IBTK: variants seen among roughly 807,000 people sequenced by gnomAD.
IBTK encodes the protein BTK-binding protein.
In IBTK, 83 loss-of-function variants were observed where a neutral mutation model predicts 154.9. The observed-to-expected ratio is 0.54, with a 90% CI of 0.45 to 0.64. The LOEUF (loss-of-function observed/expected upper bound fraction) is 0.64, where lower values mean the gene tolerates loss of function less well. Among genes scored for constraint, IBTK ranks in the 30% least tolerant of loss-of-function variants. The pLI, the probability that IBTK is intolerant of heterozygous loss-of-function variation, is 0.00. For synonymous variants in IBTK, 515 were observed against 536.1 expected (o/e 0.96, Z 0.54); for missense variants, 1,332 against 1,584.6 (o/e 0.84, Z 2.71).
In IBTK at chr6:82,191,802, G is replaced by T; in HGVS notation, c.3416C>A (p.Pro1139Gln). ...TTCAACCCACCCTAAATGTGACTTT[G>T]GTGTAGCTCCACATTTTTGTCTACT... ...EESRQKCGAT[P>Q]KSHLGKTVSH... Residue 1139 changes from proline (P) to glutamine (Q), a missense_variant, in exon 24 of 29, where the codon CCA (proline) becomes CAA (glutamine). Pro to Gln is a moderately conservative substitution (Grantham distance 76). Transcript: ENST00000306270. 2 of 1,596,966 alleles carry T rather than the reference G, an allele frequency of 1.3e-6. No individual in the cohort carries two copies. Among genetic ancestry groups the T allele is most frequent in the Non-Finnish European group, 1.7e-6 (2 of 1,164,734 alleles).
At position 82,191,160 on chromosome 6, in the gene IBTK, A is replaced by C. The variant is rs111941571; in HGVS notation, c.3488T>G (p.Leu1163Trp). Residue 1163 changes from leucine to tryptophan, a missense_variant, in exon 25 of 29, where the codon TTG (leucine) becomes TGG (tryptophan). Coordinates refer to ENST00000306270, the MANE Select transcript of IBTK (RefSeq NM_015525.4). ...TCCTGAATTGTTTTCCTTGGTAGTC[A>C]ATGCAATCATTTTTCGTTGCTTCTG... is the stretch of plus-strand genomic sequence containing the variant. ...LSQKQRKMIA[L>W]TTKENNSGMN... The C allele has an allele frequency of 6.2e-7, 1 of 1,609,714 alleles. No homozygotes were observed.
intron 13 of IBTK, among the ~76,000 whole-genome samples, chr6:82,212,299 T>C (rs1453694683): frequency 6.6e-6 from 1 of 152,158 alleles, no homozygotes; most frequent in East Asian, 1.9e-4. Flanking sequence ...AAAACAAAAC[T>C]TTTTAACAAT....
chr6:82,214,115 C>A, intron 12 of IBTK, 112 bp downstream of exon 12: 1 of 1,056,640 alleles, frequency 9.5e-7, no homozygotes, highest in Admixed American at 2.5e-5. Context: ...GCCACCACAC[C>A]CGGCTAATTT....
intron 25 of IBTK, among the ~76,000 whole-genome samples, chr6:82,183,972 T>A (rs1258374110): frequency 6.6e-6 from 1 of 152,246 alleles, no homozygotes; most frequent in Non-Finnish European, 1.5e-5. Context: ...CACCTTGATA[T>A]TGGACATCCC....
At chr6:82,229,055 C>T (rs1770404132) in intron 4 of IBTK, among the ~76,000 whole-genome samples, 1 of 152,106 alleles carries the variant, frequency 6.6e-6, no homozygotes, top group Non-Finnish European at 1.5e-5. Flanking sequence ...ATAGAATCAG[C>T]CCCTTTTCAA....
intron 22 of IBTK, among the ~76,000 whole-genome samples, chr6:82,195,255 C>G (rs1356944418): frequency 6.6e-6 from 1 of 151,822 alleles, no homozygotes; most frequent in Admixed American, 6.6e-5. Context: ...ATAAATTGCC[C>G]CCAAACTTCT....
chr6:82,201,990 TGCTGGGATTACAAG>T (rs1769227751), intron 18 of IBTK, among the ~76,000 whole-genome samples: 1 of 152,064 alleles, frequency 6.6e-6, no homozygotes, highest in African/African-American at 2.4e-5. Flanking sequence ...CCTCCCAAAG[TGCTGGGATTACAAG>T]CATAAGCCAC....
At chr6:82,238,892 C>G (rs1582260490) in intron 2 of IBTK, among the ~76,000 whole-genome samples, 1 of 151,998 alleles carries the variant, frequency 6.6e-6, no homozygotes, top group East Asian at 2.0e-4. Flanking sequence ...GCACACGCCA[C>G]TACACCTGGC....
chr6:82,233,498 T>A (rs1420271196), intron 3 of IBTK, among the ~76,000 whole-genome samples: 1 of 152,214 alleles, frequency 6.6e-6, no homozygotes, highest in Non-Finnish European at 1.5e-5. Context: ...CATTTTAGAT[T>A]GTACTTTTAT....
chr6:82,234,415 C>T (rs572962242), intron 2 of IBTK, among the ~76,000 whole-genome samples, 160 bp from the exon 3 acceptor site: 6 of 151,032 alleles, frequency 4.0e-5, no homozygotes, highest in Non-Finnish European at 5.9e-5. Context: ...CTTGGCTCAC[C>T]GCAACCTCCA....
chr6:82,237,658 AGTG>A (rs752039539), intron 2 of IBTK, among the ~76,000 whole-genome samples: 2,821 of 140,958 alleles, frequency 0.02, 41 homozygotes, highest in Non-Finnish European at 0.025. Context: ...AGAAGATAGT[AGTG>A]GTAGTAGTAG....
intron 16 of IBTK, 200 bp from the exon 17 acceptor site, chr6:82,205,158 A>G: frequency 2.8e-6 from 1 of 362,862 alleles, no homozygotes; most frequent in Non-Finnish European, 4.9e-6. Flanking sequence ...ATACATCAAA[A>G]TATATTTCTA....
chr6:82,204,999 T>A (rs779357144), intron 16 of IBTK, 41 bp from the exon 17 acceptor site: 1 of 1,326,080 alleles, frequency 7.5e-7, no homozygotes, highest in South Asian at 1.4e-5. Flanking sequence ...TTTCTTTGTA[T>A]ACATTATACC....
At chr6:82,241,888 A>G in intron 1 of IBTK, among the ~76,000 whole-genome samples, 1 of 152,192 alleles carries the variant, frequency 6.6e-6, no homozygotes, top group Non-Finnish European at 1.5e-5. Flanking sequence ...TATGCATCAG[A>G]GGGAAGTATG....
Position 82,214,630 on chromosome 6 carries a change from C to T in IBTK, c.1801G>A (p.Glu601Lys), listed in dbSNP as rs1315816432. ...KLFLSDGNTS[E>K]FTDIYQKDED... The stretch of plus-strand genomic sequence containing the variant: ...TCTTTCTGGTAAATATCTGTAAATT[C>T]TGAAGTATTACCATCTGAAAGAAAC... Residue 601 changes from glutamate to lysine, a missense_variant, in exon 12 of 29, where the codon GAA (glutamate) becomes AAA (lysine). This residue lies in a region of IBTK where 1,134 missense variants were observed against 1,274.7 expected (regional missense o/e 0.89). Coordinates refer to ENST00000306270, the MANE Select transcript of IBTK (RefSeq NM_015525.4). 1.9e-6 allele frequency: 3 copies of T among 1,613,938 alleles called. No individual in the cohort carries two copies. In the Admixed American group the frequency reaches 5.0e-5, roughly 27 times the overall value.
At chr6:82,204,520 A>G (rs1769324359) in intron 17 of IBTK, among the ~76,000 whole-genome samples, 1 of 152,194 alleles carries the variant, frequency 6.6e-6, no homozygotes, top group Non-Finnish European at 1.5e-5. Context: ...AAAAACACCT[A>G]AAGCCAAGAT....
Position 82,240,350 on chromosome 6 carries a change from G to T in IBTK, c.137C>A (p.Thr46Asn), listed in dbSNP as rs1254107225. ...FLSSHCYNAA[T>N]IKDVFGRNAL... ...ATTCCTGCCAAAAACATCCTTGATAGTTGCAGCATTGTAACAATGACTGGA... is the reference window on the plus strand; with the variant it reads ...ATTCCTGCCAAAAACATCCTTGATATTTGCAGCATTGTAACAATGACTGGA... The change falls in exon 2 of 29, where the codon ACT becomes AAT. Residue 46 changes from threonine to asparagine, a missense_variant. This residue lies in a region of IBTK where 84 missense variants were observed against 96.2 expected (regional missense o/e 0.87). Transcript: ENST00000306270. 1.9e-6 allele frequency: 3 copies of T among 1,614,066 alleles called. No homozygotes were observed. The highest frequency in any genetic ancestry group is 2.5e-6 in the Non-Finnish European group (3 of 1,180,036).
intron 26 of IBTK, among the ~76,000 whole-genome samples, chr6:82,179,869 C>T (rs1444097560): frequency 6.6e-6 from 1 of 152,102 alleles, no homozygotes; most frequent in Non-Finnish European, 1.5e-5. Flanking sequence ...TTGAATCTTA[C>T]ACAAGAAAGG....
chr6:82,183,300 C>T (rs778334299), intron 25 of IBTK, among the ~76,000 whole-genome samples: 18 of 152,238 alleles, frequency 1.2e-4, no homozygotes, highest in Non-Finnish European at 2.6e-4. Context: ...ATCCCAGCTA[C>T]TCAGGAGGCT....
Sources: allele counts gnomAD v4.1 joint callset (sites outside exome capture counted in the v4.1 genomes callset), GRCh38; gene constraint gnomAD v4.1.1; regional missense constraint gnomAD v4.1.1; transcripts MANE v1.5; gene names NCBI Gene and HGNC (gene_info 2026-07-23, HGNC 2026-07-21).